Variants in DNAH9 observed in about 807,000 individuals in gnomAD.
DNAH9 encodes DNAH9 variant protein.
A neutral mutation model predicts 471.6 loss-of-function variants in DNAH9; 345 were observed. The ratio of observed to expected loss-of-function variants is 0.73; its 90% CI spans 0.67 to 0.80. The LOEUF (loss-of-function observed/expected upper bound fraction) is 0.80. DNAH9 is among the 30% of genes least tolerant of loss of function. The pLI, the probability that DNAH9 is intolerant of heterozygous loss-of-function variation, is 0.00. For synonymous variants in DNAH9, 2,093 were observed against 2,123.6 expected, an observed-to-expected ratio of 0.99 and a Z score of 0.40; for missense variants, 5,407 against 5,609.2, an observed-to-expected ratio of 0.96 and a Z score of 1.15.
At chr17:11,942,618 G>T in intron 67 of DNAH9, 133 bp downstream of exon 67, 2 of 879,946 alleles carry the variant, frequency 2.3e-6, no homozygotes, top group Non-Finnish European at 1.6e-6. Flanking sequence ...GTGCCCAAAA[G>T]TCATCACTCC....
At chr17:11,604,912 T>C (rs2072467424) in intron 1 of DNAH9, among the ~76,000 whole-genome samples, 1 of 152,216 alleles carries the variant, frequency 6.6e-6, no homozygotes, top group Admixed American at 6.5e-5. Context: ...TGGTTGATCC[T>C]ACTCAAAACG....
At chr17:11,960,173 C>T (rs1291755960) in intron 67 of DNAH9, among the ~76,000 whole-genome samples, 7 of 152,088 alleles carry the variant, frequency 4.6e-5, no homozygotes, top group Admixed American at 2.6e-4. Context: ...CAGTGGCTCA[C>T]GCCTGTAATC....
rs145622211 is a variant in DNAH9, at chr17:11,803,379, G to GGGGT, written c.8421-4352_8421-4351insGGTG. On this transcript the variant is annotated intron_variant, in intron 43 of 68. Coordinates refer to ENST00000262442, the MANE Select transcript of DNAH9 (RefSeq NM_001372.4). Reference sequence around the variant, plus strand: ...CTGAGAATCTTACCCATTCTCTAGGGGTGTGTGTGTGTGTGTGTGTGCGCT... The same window carrying GGGGT: ...CTGAGAATCTTACCCATTCTCTAGGGGGGTGTGTGTGTGTGTGTGTGTGTGCGCT... Among the ~76,000 whole-genome samples, 47 of 150,542 alleles carry GGGGT rather than the reference G, an allele frequency of 3.1e-4. 1 individual carries two copies. Among genetic ancestry groups the GGGGT allele is most frequent in the Admixed American group, 2.5e-3 (38 of 15,122 alleles).
At chr17:11,672,327 A>G (rs1161842411) in intron 17 of DNAH9, among the ~76,000 whole-genome samples, 1 of 152,054 alleles carries the variant, frequency 6.6e-6, no homozygotes, top group Non-Finnish European at 1.5e-5. Context: ...TGTCCCTTTC[A>G]TCTTGTCTCA....
At position 11,909,619 on chromosome 17, in the gene DNAH9, C is replaced by G. The variant is rs149941916; in HGVS notation, c.11749+3810C>G. On this transcript the variant is annotated intron_variant, in intron 61 of 68. Transcript: ENST00000262442. ...CTCAGGAAATGTAAGGAATAAAAATCTTTCAGTGGCATTTGCCCCTCCATG... is the reference window on the plus strand; with the variant it reads ...CTCAGGAAATGTAAGGAATAAAAATGTTTCAGTGGCATTTGCCCCTCCATG... 3.2e-4 allele frequency among the ~76,000 whole-genome samples: 49 copies of G among 152,184 alleles called. No individual in the cohort carries two copies. The South Asian group carries it at 8.7e-3, about 27-fold the overall frequency.
chr17:11,850,387 G>A (rs541496115), intron 49 of DNAH9, among the ~76,000 whole-genome samples: 2 of 152,314 alleles, frequency 1.3e-5, no homozygotes, highest in Admixed American at 6.5e-5. Flanking sequence ...GGCGGCTCAC[G>A]CCTGTAATCC....
intron 45 of DNAH9, among the ~76,000 whole-genome samples, chr17:11,815,080 G>C (rs1257094997): frequency 6.6e-6 from 1 of 152,158 alleles, no homozygotes; most frequent in Non-Finnish European, 1.5e-5. Flanking sequence ...ACCACAGACA[G>C]TGGAACTTTA....
Position 11,854,248 on chromosome 17 carries a change from T to A in DNAH9, c.9753T>A (p.Asn3251Lys), listed in dbSNP as rs777128661. ...CGTATCTGCAAGACCCCGAGTTCAATCCTGAGTTTGTGGCCACCAAATCCT... is the reference window on the plus strand; with the variant it reads ...CGTATCTGCAAGACCCCGAGTTCAAACCTGAGTTTGTGGCCACCAAATCCT... ...IRPYLQDPEF[N>K]PEFVATKSYA... The change falls in exon 50 of 69, where the codon AAT (asparagine) becomes AAA (lysine). Residue 3251 changes from asparagine to lysine, a missense_variant. This residue lies in a region of DNAH9 where 4,636 missense variants were observed against 4,900.3 expected (regional missense o/e 0.95). Transcript: ENST00000262442. 1 of 1,614,138 alleles carries A rather than the reference T, an allele frequency of 6.2e-7. No homozygotes were observed. Among genetic ancestry groups the A allele is most frequent in the African/African-American group, 1.3e-5 (1 of 75,038 alleles).
intron 38 of DNAH9, among the ~76,000 whole-genome samples, chr17:11,776,975 C>T (rs577594187): frequency 1.5e-4 from 23 of 152,206 alleles, no homozygotes; most frequent in South Asian, 1.0e-3. Context: ...CATAATGGTC[C>T]GCCCTTGGGT....
At chr17:11,615,451 G>A (rs2072721677) in intron 4 of DNAH9, among the ~76,000 whole-genome samples, 1 of 152,014 alleles carries the variant, frequency 6.6e-6, no homozygotes, top group South Asian at 2.1e-4. Flanking sequence ...CAGACATGGT[G>A]GTGCATGTCT....
intron 48 of DNAH9, among the ~76,000 whole-genome samples, chr17:11,829,489 T>G (rs1248667574): frequency 6.6e-6 from 1 of 152,258 alleles, no homozygotes; most frequent in Non-Finnish European, 1.5e-5. Flanking sequence ...TATTTATTTT[T>G]GAGACTGAGT....
intron 14 of DNAH9, 103 bp from the exon 15 acceptor site, chr17:11,664,728 AAG>A (rs2073836250): frequency 1.1e-6 from 1 of 929,456 alleles, no homozygotes; most frequent in Non-Finnish European, 1.6e-6. Context: ...AATTCTCCAC[AAG>A]AGAGTTTTTT....
At chr17:11,807,976 A>G in intron 44 of DNAH9, 82 bp downstream of exon 44, 1 of 1,458,052 alleles carries the variant, frequency 6.9e-7, no homozygotes, top group Non-Finnish European at 9.3e-7. Flanking sequence ...CTCGTTCTCC[A>G]GTTCCCCTGT....
chr17:11,848,235 C>T (rs1016317411), intron 49 of DNAH9, among the ~76,000 whole-genome samples: 1 of 152,036 alleles, frequency 6.6e-6, no homozygotes, highest in Non-Finnish European at 1.5e-5. Context: ...ATAAATAGCC[C>T]AGTAGAAATG....
chr17:11,950,538 T>TA (rs2151439996), intron 67 of DNAH9, among the ~76,000 whole-genome samples: 1 of 152,240 alleles, frequency 6.6e-6, no homozygotes, highest in East Asian at 1.9e-4. Context: ...ACTAACTTTT[T>TA]ATTTTTATTT....
intron 67 of DNAH9, among the ~76,000 whole-genome samples, chr17:11,950,758 C>T (rs1340419095): frequency 2.0e-5 from 3 of 152,154 alleles, no homozygotes; most frequent in Non-Finnish European, 4.4e-5. Flanking sequence ...AATGGCACAT[C>T]TCTGTATGAG....
intron 12 of DNAH9, among the ~76,000 whole-genome samples, chr17:11,648,199 A>T (rs560025479): frequency 6.6e-6 from 1 of 152,240 alleles, no homozygotes. Context: ...CCAGGAATGC[A>T]CTATAGATTG....
chr17:11,780,890 G>A lies in DNAH9; in HGVS notation c.7553-119G>A, dbSNP rs16945331. 5,237 of 1,024,892 alleles carry A rather than the reference G, an allele frequency of 5.1e-3. 165 individuals carry two copies. The African/African-American group carries it at 0.076, about 15-fold the overall frequency. The allele number at this position is 1,024,892 out of a possible 1,614,324, so 63.5% of individuals were successfully genotyped here. On this transcript the variant is annotated intron_variant, in intron 38 of 68. Coordinates refer to ENST00000262442, the MANE Select transcript of DNAH9 (RefSeq NM_001372.4). ...AGCTGTTATTATTGTTGTCTTTCGC[G>A]TTGCTGTTTTTTGCACACATGAAGG...
chr17:11,655,899 T>TAC (rs1006836593), intron 14 of DNAH9, among the ~76,000 whole-genome samples: 1 of 151,212 alleles, frequency 6.6e-6, no homozygotes, highest in Non-Finnish European at 1.5e-5. Flanking sequence ...TACATATATA[T>TAC]ACACACACAC....
Sources: gnomAD v4.1 joint callset for allele counts (sites outside exome capture counted in the v4.1 genomes callset) on GRCh38, gnomAD v4.1.1 for gene constraint, gnomAD v4.1.1 regional missense constraint, MANE v1.5 for transcripts, NCBI Gene and HGNC (gene_info 2026-07-23, HGNC 2026-07-21) for gene names.